The following TRABD2B variants were observed in gnomAD, a reference collection of about 807,000 sequenced individuals.
TRABD2B encodes TraB domain containing 2B.
A neutral mutation model predicts 40.1 loss-of-function variants in TRABD2B; 14 were observed. The observed-to-expected ratio is 0.35, with a 90% CI of 0.23 to 0.55. The LOEUF (loss-of-function observed/expected upper bound fraction) is 0.55. Ranked by LOEUF, TRABD2B falls within the 20% of genes least tolerant of loss-of-function variation. TRABD2B has a pLI of 0.90. For missense variants in TRABD2B, 541 were observed against 648.6 expected, an observed-to-expected ratio of 0.83 and a Z score of 1.80; for synonymous variants, 263 against 277.0, an observed-to-expected ratio of 0.95 and a Z score of 0.50.
chr1:47,839,097 G>C (rs956239610), intron 2 of TRABD2B, among the ~76,000 whole-genome samples: 12 of 152,188 alleles, frequency 7.9e-5, no homozygotes, highest in African/African-American at 2.9e-4. Flanking sequence ...TTGGAACGCT[G>C]CCTTCAAGAC....
At chr1:47,962,699 G>A (rs934370478) in intron 2 of TRABD2B, among the ~76,000 whole-genome samples, 3 of 152,184 alleles carry the variant, frequency 2.0e-5, no homozygotes, top group African/African-American at 7.2e-5. Flanking sequence ...GGAAACTGAG[G>A]CACTGGTACA....
chr1:47,792,809 C>T (rs1489353607), intron 4 of TRABD2B, among the ~76,000 whole-genome samples: 2 of 152,138 alleles, frequency 1.3e-5, no homozygotes, highest in Non-Finnish European at 2.9e-5. Flanking sequence ...GAATGAAGGC[C>T]CCTTCACTGA....
intron 2 of TRABD2B, among the ~76,000 whole-genome samples, chr1:47,805,555 C>T (rs1644880250): frequency 6.6e-6 from 1 of 152,134 alleles, no homozygotes; most frequent in South Asian, 2.1e-4. Context: ...CTGTTTCCTG[C>T]TGAATCCCAA....
At chr1:47,794,120 G>T (rs762499273) in intron 4 of TRABD2B, among the ~76,000 whole-genome samples, 1 of 152,220 alleles carries the variant, frequency 6.6e-6, no homozygotes, top group Non-Finnish European at 1.5e-5. Context: ...ATTTATATAA[G>T]AAAGAATTGA....
At chr1:47,838,018 C>T (rs1172362227) in intron 2 of TRABD2B, among the ~76,000 whole-genome samples, 2 of 152,218 alleles carry the variant, frequency 1.3e-5, no homozygotes, top group Non-Finnish European at 2.9e-5. Context: ...CCCATGTAAC[C>T]TTTCAAGGCT....
At chr1:47,961,208 G>A (rs375223286) in intron 2 of TRABD2B, among the ~76,000 whole-genome samples, 1 of 152,066 alleles carries the variant, frequency 6.6e-6, no homozygotes, top group Non-Finnish European at 1.5e-5. Context: ...TACAAAAATT[G>A]ATTCAAGATG....
At chr1:47,839,942 T>C (rs1418931778) in intron 2 of TRABD2B, among the ~76,000 whole-genome samples, 1 of 152,138 alleles carries the variant, frequency 6.6e-6, no homozygotes, top group Non-Finnish European at 1.5e-5. Context: ...GCCAAGCTTG[T>C]TGCTGCCACT....
intron 2 of TRABD2B, among the ~76,000 whole-genome samples, chr1:47,903,798 G>A (rs1404873523): frequency 6.6e-6 from 1 of 152,174 alleles, no homozygotes; most frequent in East Asian, 1.9e-4. Context: ...CCTGCATTAA[G>A]CTAAAAACTT....
intron 2 of TRABD2B, among the ~76,000 whole-genome samples, chr1:47,986,884 G>A (rs914724014): frequency 3.3e-5 from 5 of 152,170 alleles, no homozygotes; most frequent in Admixed American, 6.5e-5. Context: ...CTGAAGGCTC[G>A]GCCACCGGCT....
At chr1:47,866,052 G>A (rs1364527770) in intron 2 of TRABD2B, among the ~76,000 whole-genome samples, 1 of 63,250 alleles carries the variant, frequency 1.6e-5, no homozygotes, top group Non-Finnish European at 3.3e-5. Context: ...TTTGACTCTT[G>A]TTAATCATCA....
chr1:47,782,778 A>G (rs1351891150), intron 4 of TRABD2B, among the ~76,000 whole-genome samples: 1 of 152,170 alleles, frequency 6.6e-6, no homozygotes, highest in East Asian at 1.9e-4. Context: ...CTCCAAGGTC[A>G]GAAATCCTAA....
intron 2 of TRABD2B, among the ~76,000 whole-genome samples, chr1:47,807,727 T>A (rs1644911655): frequency 6.6e-6 from 1 of 152,202 alleles, no homozygotes; most frequent in African/African-American, 2.4e-5. Flanking sequence ...ACTTATAGTA[T>A]TTAGGTATTG....
At chr1:47,988,450 T>G (rs1219366612) in intron 2 of TRABD2B, among the ~76,000 whole-genome samples, 2 of 152,118 alleles carry the variant, frequency 1.3e-5, no homozygotes, top group African/African-American at 2.4e-5. Flanking sequence ...GTGCTCTGGT[T>G]GAATGAGTGA....
chr1:47,901,804 G>A (rs141643231), intron 2 of TRABD2B, among the ~76,000 whole-genome samples: 113 of 152,282 alleles, frequency 7.4e-4, no homozygotes, highest in African/African-American at 2.5e-3. Context: ...AGGCACGTTG[G>A]CAGTCTGTGG....
In TRABD2B at chr1:47,795,786, C is replaced by A. The variant is rs911402675; in HGVS notation, c.814-1026G>T. ...ATCCCTGCACCACCACTTTCCAGGA[C>A]ATAATGCAAATGCCTCCATCCCTTT... On this transcript the variant is annotated intron_variant, in intron 3 of 6. Transcript: ENST00000606738. 3 of 818,700 alleles carry A rather than the reference C, an allele frequency of 3.7e-6. No individual in the cohort carries two copies. The African/African-American group carries it at 5.6e-5, about 15-fold the overall frequency. 50.7% of individuals were successfully genotyped at this position (818,700 alleles called of 1,614,324 possible).
rs778295317 is a variant in TRABD2B, at chr1:47,996,433, C to A, written c.102+255G>T. On this transcript the variant is annotated intron_variant, in intron 1 of 6. Coordinates refer to ENST00000606738, the MANE Select transcript of TRABD2B (RefSeq NM_001194986.2). The surrounding 1 kb of genome is among the most constrained non-coding windows in gnomAD (Gnocchi z 4.6). ...AGAGAGAGGAGGCGTCCAAGCAGGA[C>A]CACAAGTCAAGAGGAGAGCCCCAGA... Among the ~76,000 whole-genome samples, 1 of 152,110 alleles carries A rather than the reference C, an allele frequency of 6.6e-6. No homozygotes were observed. Among genetic ancestry groups the A allele is most frequent in the Admixed American group, 6.5e-5 (1 of 15,284 alleles).
chr1:47,990,709 G>A (rs1384248040), intron 2 of TRABD2B, among the ~76,000 whole-genome samples: 1 of 143,824 alleles, frequency 7.0e-6, no homozygotes, highest in Admixed American at 7.1e-5. Context: ...CCCATTGGAT[G>A]GATGGGCATA....
chr1:47,782,761 T>C (rs1272125458), intron 4 of TRABD2B, among the ~76,000 whole-genome samples: 2 of 152,064 alleles, frequency 1.3e-5, no homozygotes, highest in Middle Eastern at 3.2e-3. Flanking sequence ...ACAGGAACCA[T>C]GCTTGCCTCC....
chr1:47,786,021 A>G (rs999721233), intron 4 of TRABD2B, among the ~76,000 whole-genome samples: 3 of 152,128 alleles, frequency 2.0e-5, no homozygotes, highest in Admixed American at 2.0e-4. Flanking sequence ...TTCTTAGAGG[A>G]CTTCGAGCTC....
Sources: allele counts gnomAD v4.1 joint callset (sites outside exome capture counted in the v4.1 genomes callset), GRCh38; gene constraint gnomAD v4.1.1; non-coding constraint Gnocchi (gnomAD v3.1); transcripts MANE v1.5; gene names NCBI Gene and HGNC (gene_info 2026-07-23, HGNC 2026-07-21).